Variants in NHSL1 observed in about 807,000 individuals in gnomAD.
NHSL1 encodes NHS-like protein 1.
Under a neutral mutation model 95.0 loss-of-function variants are expected in NHSL1, and 48 were observed. The ratio of observed to expected loss-of-function variants is 0.51; its 90% CI spans 0.40 to 0.64. The LOEUF (loss-of-function observed/expected upper bound fraction) is 0.64. Ranked by LOEUF, NHSL1 falls within the 30% of genes least tolerant of loss-of-function variation. The pLI is 0.00. For missense variants in NHSL1, 1,971 were observed against 2,077.7 expected (o/e 0.95, Z 1.00); for synonymous variants, 783 against 833.9 (o/e 0.94, Z 1.05).
At chr6:138,647,911 C>T (rs1785040546) in intron 1 of NHSL1, among the ~76,000 whole-genome samples, 1 of 152,156 alleles carries the variant, frequency 6.6e-6, no homozygotes, top group African/African-American at 2.4e-5. Context: ...AATTTTCTTA[C>T]ACACATTTCT....
At chr6:138,569,118 C>G (rs149480954) in intron 1 of NHSL1, among the ~76,000 whole-genome samples, 3 of 152,122 alleles carry the variant, frequency 2.0e-5, no homozygotes, top group Non-Finnish European at 4.4e-5. Flanking sequence ...GGAGGGAGAA[C>G]GCCAGGAGCT....
At chr6:138,550,245 A>C (rs1249682743), upstream of NHSL1, among the ~76,000 whole-genome samples, 1 of 152,184 alleles carries the variant, frequency 6.6e-6, no homozygotes, top group Non-Finnish European at 1.5e-5. Context: ...TCTCCAAAAA[A>C]AAAATAATAA....
At chr6:138,538,482 G>C (rs1375531357) in intron 1 of NHSL1, among the ~76,000 whole-genome samples, 2 of 152,126 alleles carry the variant, frequency 1.3e-5, no homozygotes, top group Non-Finnish European at 2.9e-5. Flanking sequence ...CATCTGCCAG[G>C]CTCGTCAGCC....
chr6:138,650,297 AC>A, intron 1 of NHSL1: 1 of 715,736 alleles, frequency 1.4e-6, no homozygotes, highest in Non-Finnish European at 2.6e-6. Context: ...GGCCCTACAT[AC>A]TCAGGTACTT....
At chr6:138,667,150 C>T (rs1785305865) in intron 1 of NHSL1, among the ~76,000 whole-genome samples, 1 of 152,166 alleles carries the variant, frequency 6.6e-6, no homozygotes, top group African/African-American at 2.4e-5. Flanking sequence ...GCCCTCAATA[C>T]CACCTGCTGT....
chr6:138,501,773 T>C (rs939811010), upstream of NHSL1, among the ~76,000 whole-genome samples: 2 of 152,182 alleles, frequency 1.3e-5, no homozygotes, highest in African/African-American at 4.8e-5. Context: ...GATACAAAAA[T>C]CCTTGGATGC....
rs773066038 is a variant in NHSL1, at chr6:138,589,625, A to G, written c.97-93254T>C. ...ACCCTCCCCAGCCTCCTTTTACCCT[A>G]AACCCTCATCTATGCCTTCCCTGTC... On this transcript the variant is annotated intron_variant, in intron 1 of 3. Coordinates refer to the NHSL1 transcript ENST00000491526. Among the ~76,000 whole-genome samples the G allele has an allele frequency of 1.5e-3, 221 of 152,152 alleles. 1 individual carries two copies. Among genetic ancestry groups the G allele is most frequent in the Non-Finnish European group, 2.6e-3 (178 of 67,968 alleles).
intron 1 of NHSL1, among the ~76,000 whole-genome samples, chr6:138,609,695 A>C (rs886843104): frequency 2.1e-5 from 3 of 143,744 alleles, no homozygotes; most frequent in African/African-American, 7.7e-5. Context: ...GCTTGCAGTG[A>C]GCCGAGATTG....
At chr6:138,470,955 C>T (rs537696999) in intron 3 of NHSL1, among the ~76,000 whole-genome samples, 1 of 152,284 alleles carries the variant, frequency 6.6e-6, no homozygotes, top group African/African-American at 2.4e-5. Flanking sequence ...GATGTCATGA[C>T]ATATCACATC....
At position 138,685,207 on chromosome 6, in the gene NHSL1, C is replaced by T. The variant is rs527332338; in HGVS notation, c.96+7269G>A. On this transcript the variant is annotated intron_variant, in intron 1 of 3. Coordinates refer to the NHSL1 transcript ENST00000491526. ...TTTAATATAGCAGAAAACTAGATTA[C>T]GGCTAGATAAATAATTTCAACCTAA... Among the ~76,000 whole-genome samples the T allele has an allele frequency of 9.9e-5, 15 of 152,136 alleles. No individual in the cohort carries two copies. In the East Asian group the frequency reaches 2.1e-3, roughly 22 times the overall value.
chr6:138,574,144 G>A (rs915705873), upstream of NHSL1, among the ~76,000 whole-genome samples: 1 of 152,090 alleles, frequency 6.6e-6, no homozygotes, highest in Non-Finnish European at 1.5e-5. Flanking sequence ...TGTTAGCCAG[G>A]ATGGTCTCGA....
At chr6:138,687,822 T>C (rs1296756262) in intron 1 of NHSL1, among the ~76,000 whole-genome samples, 4 of 151,934 alleles carry the variant, frequency 2.6e-5, no homozygotes, top group African/African-American at 9.7e-5. Flanking sequence ...TGCCTAGGAA[T>C]GGGAGGGTTG....
intron 1 of NHSL1, among the ~76,000 whole-genome samples, chr6:138,663,206 GA>G (rs1196630803): frequency 6.6e-6 from 1 of 152,088 alleles, no homozygotes; most frequent in Middle Eastern, 3.2e-3. Context: ...ACATTTACTT[GA>G]AAAAAGCAAG....
intron 1 of NHSL1, among the ~76,000 whole-genome samples, chr6:138,570,519 G>A (rs1297563093): frequency 1.3e-5 from 2 of 152,160 alleles, no homozygotes; most frequent in African/African-American, 4.8e-5. Context: ...GTGGCTCATT[G>A]TTGATCACCT....
At chr6:138,630,440 T>C (rs975987481) in intron 1 of NHSL1, among the ~76,000 whole-genome samples, 1 of 152,086 alleles carries the variant, frequency 6.6e-6, no homozygotes, top group African/African-American at 2.4e-5. Context: ...TTGCCCAGTC[T>C]AGAGTGCCCA....
intron 1 of NHSL1, among the ~76,000 whole-genome samples, chr6:138,552,416 T>A (rs376226961): frequency 6.6e-6 from 1 of 152,042 alleles, no homozygotes; most frequent in Admixed American, 6.5e-5. Context: ...TGAGGCTCCA[T>A]CCCCCAGGAG....
At chr6:138,536,088 A>C (rs1385864062) in intron 1 of NHSL1, among the ~76,000 whole-genome samples, 4 of 152,224 alleles carry the variant, frequency 2.6e-5, no homozygotes, top group Admixed American at 2.0e-4. Flanking sequence ...AATCTAGTCA[A>C]ACATAGTCCA....
intron 1 of NHSL1, among the ~76,000 whole-genome samples, chr6:138,671,869 T>TA (rs1377563272): frequency 6.6e-6 from 1 of 152,118 alleles, no homozygotes; most frequent in East Asian, 1.9e-4. Flanking sequence ...GCTTTAACGC[T>TA]ATACACACTG....
chr6:138,581,310 T>C (rs1784051879), intron 1 of NHSL1, among the ~76,000 whole-genome samples: 1 of 152,154 alleles, frequency 6.6e-6, no homozygotes, highest in Non-Finnish European at 1.5e-5. Context: ...TTTTTGGTGT[T>C]GTTCATAAAA....
Sources: allele counts gnomAD v4.1 joint callset (sites outside exome capture counted in the v4.1 genomes callset), GRCh38; gene constraint gnomAD v4.1.1; transcripts MANE v1.5; gene names NCBI Gene and HGNC (gene_info 2026-07-23, HGNC 2026-07-21).